Variants in ALK observed in about 807,000 individuals in gnomAD.
ALK encodes the protein ALK receptor tyrosine kinase.
ALK carries 74 observed loss-of-function variants against 163.1 expected under a neutral mutation model. That is an observed-to-expected ratio of 0.45 (90% CI 0.38 to 0.55). The LOEUF (loss-of-function observed/expected upper bound fraction) is 0.55. Among genes scored for constraint, ALK ranks in the 20% least tolerant of loss-of-function variants. The pLI is 0.00. For missense variants in ALK, 2,063 were observed against 2,105.3 expected, an observed-to-expected ratio of 0.98 and a Z score of 0.39; for synonymous variants, 960 against 843.2, an observed-to-expected ratio of 1.14 and a Z score of -2.40.
chr2:29,234,511 C>A (rs1664316946), intron 13 of ALK, among the ~76,000 whole-genome samples: 1 of 152,064 alleles, frequency 6.6e-6, no homozygotes, highest in Non-Finnish European at 1.5e-5. Flanking sequence ...GCTAATGTTC[C>A]ATTTTTTCCC....
intron 11 of ALK, among the ~76,000 whole-genome samples, chr2:29,252,908 T>C (rs532053535): frequency 2.9e-4 from 44 of 151,960 alleles, no homozygotes; most frequent in African/African-American, 1.0e-3. Context: ...TCCTGCAGCC[T>C]CGAATTTCTG....
At chr2:29,557,691 G>T (rs1389637128) in intron 3 of ALK, among the ~76,000 whole-genome samples, 1 of 152,032 alleles carries the variant, frequency 6.6e-6, no homozygotes. Flanking sequence ...TGTATAAAGT[G>T]GTATATATAC....
chr2:29,564,272 C>T (rs1478955769), intron 3 of ALK, among the ~76,000 whole-genome samples: 1 of 152,054 alleles, frequency 6.6e-6, no homozygotes, highest in Non-Finnish European at 1.5e-5. Context: ...TCTCAAAGGC[C>T]AATCTCAAGG....
intron 4 of ALK, among the ~76,000 whole-genome samples, chr2:29,519,008 C>T (rs985193363): frequency 6.6e-5 from 10 of 152,272 alleles, no homozygotes; most frequent in South Asian, 4.1e-4. Context: ...CATTGGCTAT[C>T]GTTGTTAAAA....
At chr2:29,634,676 A>T (rs1265168349) in intron 3 of ALK, among the ~76,000 whole-genome samples, 4 of 152,224 alleles carry the variant, frequency 2.6e-5, no homozygotes, top group Non-Finnish European at 4.4e-5. Context: ...TGTATATAAT[A>T]GTAAAAGACT....
intron 4 of ALK, among the ~76,000 whole-genome samples, chr2:29,448,906 C>T (rs1013708899): frequency 1.3e-5 from 2 of 152,202 alleles, no homozygotes; most frequent in Non-Finnish European, 2.9e-5. Flanking sequence ...TGAAGGGGAT[C>T]TCGCTGCTTC....
chr2:29,920,473 G>C lies in ALK; in HGVS notation c.187C>G (p.Leu63Val), dbSNP rs1203186061. The change falls in exon 1 of 29, where the codon CTC (leucine) becomes GTC (valine). Residue 63 changes from leucine (L) to valine (V), a missense_variant. By Grantham distance (32) the Leu-to-Val change is conservative. Transcript: ENST00000389048. The stretch of plus-strand genomic sequence containing the variant: ...AGGTCCCGGGCGTAGACACGGAAGA[G>C]CGAGGGCACCACGAAGTCAACTGCC... ...SLAVDFVVPS[L>V]FRVYARDLLL... 1 of 1,612,862 alleles carries C rather than the reference G, an allele frequency of 6.2e-7. No individual in the cohort carries two copies. Among genetic ancestry groups the C allele is most frequent in the African/African-American group, 1.3e-5 (1 of 74,904 alleles).
intron 5 of ALK, among the ~76,000 whole-genome samples, chr2:29,358,162 T>C (rs1668297075): frequency 6.6e-6 from 1 of 152,220 alleles, no homozygotes; most frequent in Admixed American, 6.5e-5. Context: ...TTGCTTTGTG[T>C]GTCATGAACA....
At chr2:29,741,768 C>G (rs921657217) in intron 1 of ALK, among the ~76,000 whole-genome samples, 4 of 152,156 alleles carry the variant, frequency 2.6e-5, no homozygotes, top group African/African-American at 7.2e-5. Flanking sequence ...ACAAAAGTCT[C>G]TGGGGCAAGT....
At chr2:29,225,147 G>A (rs1225215366) in intron 19 of ALK, among the ~76,000 whole-genome samples, 4 of 152,274 alleles carry the variant, frequency 2.6e-5, no homozygotes, top group Middle Eastern at 3.4e-3. Context: ...TAGAAGTGAC[G>A]TCTAGGGGTG....
intron 4 of ALK, among the ~76,000 whole-genome samples, chr2:29,411,639 C>A (rs1409415167): frequency 6.6e-6 from 1 of 152,166 alleles, no homozygotes; most frequent in Non-Finnish European, 1.5e-5. Flanking sequence ...TTCTGCTAAA[C>A]CCTTCACTAT....
Position 29,225,556 on chromosome 2 carries a change from G to C in ALK, c.3077C>G (p.Thr1026Ser), listed in dbSNP as rs1294581592. The C allele has an allele frequency of 6.2e-7, 1 of 1,609,884 alleles. No individual in the cohort carries two copies. The change falls in exon 19 of 29, where the codon ACC becomes AGC. Residue 1026 changes from threonine (T) to serine (S), a missense_variant. Thr to Ser is a moderately conservative substitution (Grantham distance 58). This residue lies in a region of ALK where 575 missense variants were observed against 626.6 expected (regional missense o/e 0.92). Coordinates refer to ENST00000389048, the MANE Select transcript of ALK (RefSeq NM_004304.5). ...EDGVSCIVSP[T>S]PEPHLPLSLI... ...CGAGAGTGGCAGGTGTGGCTCCGGG[G>C]TGGGTGACACTGGAAGACAGGTCCC...
intron 6 of ALK, among the ~76,000 whole-genome samples, chr2:29,322,841 A>G (rs1158005923): frequency 6.6e-6 from 1 of 152,196 alleles, no homozygotes; most frequent in Non-Finnish European, 1.5e-5. Flanking sequence ...TCTCAAACAA[A>G]CAAGCAAAAA....
chr2:29,842,419 T>TCA (rs1665724980), intron 1 of ALK, among the ~76,000 whole-genome samples: 2 of 152,200 alleles, frequency 1.3e-5, no homozygotes, highest in African/African-American at 4.8e-5. Flanking sequence ...TGGGCTGTAC[T>TCA]GACCATCATT....
At chr2:29,572,434 G>A (rs1256285073) in intron 3 of ALK, among the ~76,000 whole-genome samples, 1 of 152,182 alleles carries the variant, frequency 6.6e-6, no homozygotes, top group Non-Finnish European at 1.5e-5. Context: ...TTGCAGTCTG[G>A]TCATACTGAT....
intron 5 of ALK, among the ~76,000 whole-genome samples, chr2:29,366,070 A>G (rs1272194753): frequency 6.6e-6 from 1 of 152,220 alleles, no homozygotes; most frequent in Non-Finnish European, 1.5e-5. Flanking sequence ...GATTTTTAGC[A>G]GTAAGATATG....
chr2:29,437,176 C>T (rs1670422430), intron 4 of ALK, among the ~76,000 whole-genome samples: 1 of 152,120 alleles, frequency 6.6e-6, no homozygotes, highest in African/African-American at 2.4e-5. Flanking sequence ...CTACAGCCTC[C>T]CAACTTCTTT....
At chr2:29,911,811 CAAT>C (rs1355086858) in intron 1 of ALK, among the ~76,000 whole-genome samples, 1 of 152,042 alleles carries the variant, frequency 6.6e-6, no homozygotes, top group African/African-American at 2.4e-5. Flanking sequence ...TATCATATGC[CAAT>C]AATAAGATCA....
chr2:29,195,715 G>A (rs1190724352), intron 28 of ALK, among the ~76,000 whole-genome samples: 1 of 152,202 alleles, frequency 6.6e-6, no homozygotes, highest in East Asian at 1.9e-4. Context: ...AGCCCGGGCA[G>A]TAGAGCGAGA....
Sources: allele counts gnomAD v4.1 joint callset (sites outside exome capture counted in the v4.1 genomes callset), GRCh38; gene constraint gnomAD v4.1.1; regional missense constraint gnomAD v4.1.1; transcripts MANE v1.5; gene names NCBI Gene and HGNC (gene_info 2026-07-23, HGNC 2026-07-21).